The following COL15A1 variants were observed in gnomAD, a reference collection of about 807,000 sequenced individuals.
COL15A1 encodes the protein collagen type XV alpha 1 chain.
Under a neutral mutation model 165.9 loss-of-function variants are expected in COL15A1, and 111 were observed. The ratio of observed to expected loss-of-function variants is 0.67; its 90% CI spans 0.57 to 0.78. COL15A1 has a LOEUF of 0.78. COL15A1 is among the 30% of genes least tolerant of loss of function. COL15A1 has a pLI of 0.00. For synonymous variants in COL15A1, 659 were observed against 674.8 expected, an observed-to-expected ratio of 0.98 and a Z score of 0.36; for missense variants, 1,745 against 1,789.7, an observed-to-expected ratio of 0.98 and a Z score of 0.45.
At chr9:99,059,853 G>A (rs768306233) in intron 35 of COL15A1, 36 bp from the exon 36 acceptor site, 1 of 1,611,206 alleles carries the variant, frequency 6.2e-7, no homozygotes, top group Non-Finnish European at 8.5e-7. Flanking sequence ...TCAGAGTGTG[G>A]TTTTTGTGTA....
intron 2 of COL15A1, among the ~76,000 whole-genome samples, chr9:98,955,802 C>A (rs553237451): frequency 6.6e-6 from 1 of 152,366 alleles, no homozygotes; most frequent in East Asian, 1.9e-4. Flanking sequence ...CAGCATTACA[C>A]ACAGAACCTC....
At chr9:98,997,997 G>C (rs1032813324) in intron 6 of COL15A1, 1 of 152,170 alleles carries the variant, frequency 6.6e-6, no homozygotes, top group African/African-American at 2.4e-5. Context: ...CCTGACACTG[G>C]TGATACAGAA....
At chr9:98,987,998 G>C (rs1838346187) in intron 4 of COL15A1, among the ~76,000 whole-genome samples, 1 of 152,180 alleles carries the variant, frequency 6.6e-6, no homozygotes. Context: ...AGCAGGAGAG[G>C]AAAGAGGAGG....
At chr9:99,041,907 T>A (rs1028340168) in intron 23 of COL15A1, 138 bp from the exon 24 acceptor site, 3 of 615,772 alleles carry the variant, frequency 4.9e-6, no homozygotes, top group Non-Finnish European at 8.6e-6. Flanking sequence ...GTTAAGAAAA[T>A]GTCATAGGTA....
intron 2 of COL15A1, among the ~76,000 whole-genome samples, chr9:98,957,771 C>T (rs1484029775): frequency 6.6e-6 from 1 of 152,208 alleles, no homozygotes; most frequent in Non-Finnish European, 1.5e-5. Context: ...CTTGACCTCC[C>T]TGGGCTTAAG....
chr9:99,025,118 T>C, intron 15 of COL15A1, 119 bp downstream of exon 15: 1 of 736,566 alleles, frequency 1.4e-6, no homozygotes, highest in Non-Finnish European at 2.2e-6. Context: ...AGAGAGCAGC[T>C]AGCTGTTTGT....
At chr9:98,958,189 A>G (rs558335564) in intron 2 of COL15A1, among the ~76,000 whole-genome samples, 10 of 152,194 alleles carry the variant, frequency 6.6e-5, no homozygotes, top group Admixed American at 6.5e-5. Flanking sequence ...AAATCACTGT[A>G]CCTCTCTGGG....
At chr9:99,044,837 GTTAGAT>G in intron 26 of COL15A1, 67 bp downstream of exon 26, 1 of 1,393,372 alleles carries the variant, frequency 7.2e-7, no homozygotes, top group South Asian at 1.2e-5. Flanking sequence ...CTTTGATTTG[GTTAGAT>G]TTAGTTGTCC....
intron 16 of COL15A1, among the ~76,000 whole-genome samples, chr9:99,026,681 G>T (rs1350509366): frequency 6.6e-6 from 1 of 152,126 alleles, no homozygotes; most frequent in African/African-American, 2.4e-5. Flanking sequence ...TCCCTGTTTG[G>T]GATGTCCTTT....
intron 2 of COL15A1, among the ~76,000 whole-genome samples, chr9:98,961,714 C>T (rs62561170): frequency 0.29 from 44,491 of 152,182 alleles, 7,145 homozygotes; most frequent in Non-Finnish European, 0.37. Flanking sequence ...CAGGGCCACC[C>T]GGGGTAAAGG....
intron 2 of COL15A1, among the ~76,000 whole-genome samples, chr9:98,982,526 C>T (rs1564026541): frequency 6.6e-6 from 1 of 152,148 alleles, no homozygotes; most frequent in Non-Finnish European, 1.5e-5. Context: ...TCACCAGTTA[C>T]AACCTGATAC....
rs753900063 is a variant in COL15A1, at chr9:99,025,002, GAGCA to G, written c.1980+5_1980+8del. Reference sequence around the variant, plus strand: ...CTGCTGGTGAACCTGGGCCCCCGGTGAGCAACTGAAGTCTTCTCCCCATCTCTGT... The same window carrying G: ...CTGCTGGTGAACCTGGGCCCCCGGTGACTGAAGTCTTCTCCCCATCTCTGT... On this transcript the variant is annotated splice_donor_5th_base_variant and intron_variant, in intron 15 of 41. Coordinates refer to ENST00000375001, the MANE Select transcript of COL15A1 (RefSeq NM_001855.5). 6.2e-7 allele frequency: 1 copy of G among 1,612,688 alleles called. No homozygotes were observed. The highest frequency in any genetic ancestry group is 1.3e-5 in the African/African-American group (1 of 74,962).
At chr9:98,971,018 C>T (rs368115918) in intron 2 of COL15A1, among the ~76,000 whole-genome samples, 143 of 152,044 alleles carry the variant, frequency 9.4e-4, no homozygotes, top group African/African-American at 3.1e-3. Context: ...TGGATGTATC[C>T]GTGTGTGCAT....
intron 16 of COL15A1, among the ~76,000 whole-genome samples, chr9:99,033,207 T>C (rs1839237089): frequency 2.0e-5 from 3 of 152,196 alleles, no homozygotes; most frequent in African/African-American, 4.8e-5. Context: ...AGGAAGGGGA[T>C]GGAAGGAATA....
At chr9:99,050,105 G>A (rs1037441952) in intron 30 of COL15A1, among the ~76,000 whole-genome samples, 7 of 152,144 alleles carry the variant, frequency 4.6e-5, no homozygotes, top group Non-Finnish European at 1.0e-4. Flanking sequence ...GTGCACACAC[G>A]GTGAGGTGCT....
intron 26 of COL15A1, 57 bp downstream of exon 26, chr9:99,044,827 CT>C: frequency 6.6e-7 from 1 of 1,507,248 alleles, no homozygotes; most frequent in Non-Finnish European, 9.2e-7. Flanking sequence ...ATTTTTCATA[CT>C]TTGATTTGGT....
intron 26 of COL15A1, among the ~76,000 whole-genome samples, chr9:99,045,891 C>A (rs1162141696): frequency 1.3e-5 from 2 of 152,218 alleles, no homozygotes; most frequent in Admixed American, 1.3e-4. Context: ...GAGAAAGGAC[C>A]TCACATTTCT....
chr9:98,998,192 C>A (rs1838581596), intron 6 of COL15A1, among the ~76,000 whole-genome samples: 1 of 152,138 alleles, frequency 6.6e-6, no homozygotes, highest in Non-Finnish European at 1.5e-5. Context: ...ATGTTATAAG[C>A]AGTTATCTCT....
Position 98,989,262 on chromosome 9 carries a change from A to T in COL15A1, c.804+4A>T. Reference sequence around the variant, plus strand: ...CGTCACCTACACTCAAGCCTCGGTGAGTACTGGGATGCTGTGCCATGTGAT... The same window carrying T: ...CGTCACCTACACTCAAGCCTCGGTGTGTACTGGGATGCTGTGCCATGTGAT... On this transcript the variant is annotated splice_donor_region_variant and intron_variant, in intron 5 of 41. Coordinates refer to ENST00000375001, the MANE Select transcript of COL15A1 (RefSeq NM_001855.5). 1.9e-6 allele frequency: 3 copies of T among 1,609,956 alleles called. No individual in the cohort carries two copies. The highest frequency in any genetic ancestry group is 2.5e-6 in the Non-Finnish European group (3 of 1,176,612).
Sources: gnomAD v4.1 joint callset for allele counts (sites outside exome capture counted in the v4.1 genomes callset) on GRCh38, gnomAD v4.1.1 for gene constraint, MANE v1.5 for transcripts, NCBI Gene and HGNC (gene_info 2026-07-23, HGNC 2026-07-21) for gene names.